DNAAF3: variants seen among roughly 807,000 people sequenced by gnomAD.
DNAAF3 encodes the protein dynein axonemal assembly factor 3.
DNAAF3 carries 40 observed loss-of-function variants against 50.9 expected under a neutral mutation model. That is an observed-to-expected ratio of 0.79 (90% CI 0.61 to 1.02). DNAAF3 has a LOEUF of 1.02. DNAAF3 is among the 50% of genes least tolerant of loss of function. The pLI, the probability that DNAAF3 is intolerant of heterozygous loss-of-function variation, is 0.00. For synonymous variants in DNAAF3, 327 were observed against 322.8 expected, an observed-to-expected ratio of 1.01 and a Z score of -0.14; for missense variants, 763 against 744.7, an observed-to-expected ratio of 1.02 and a Z score of -0.29.
In DNAAF3 at chr19:55,161,316, C is replaced by A. The variant is rs2085826376; in HGVS notation, c.766G>T (p.Ala256Ser). The A allele has an allele frequency of 6.2e-7, 1 of 1,610,704 alleles. No homozygotes were observed. Among genetic ancestry groups the A allele is most frequent in the Non-Finnish European group, 8.5e-7 (1 of 1,178,516 alleles). ...ACGTAGCTCAGGAGGCGACCGGACGCCAGGGTCCGGTTGGGCACATGATAG... is the reference window on the plus strand; with the variant it reads ...ACGTAGCTCAGGAGGCGACCGGACGACAGGGTCCGGTTGGGCACATGATAG... The part of the protein sequence containing the change: ...SAYHVPNRTL[A>S]SGRLLSYRGE... Residue 256 changes from alanine (A) to serine (S), a missense_variant, in exon 7 of 12, where the codon GCG (alanine) becomes TCG (serine). Transcript: ENST00000524407. This position sits in a 1 kb window ranked among gnomAD's most constrained non-coding sequence, Gnocchi z 6.4.
At chr19:55,164,760 T>C (rs2085907449) in intron 4 of DNAAF3, among the ~76,000 whole-genome samples, 1 of 152,042 alleles carries the variant, frequency 6.6e-6, no homozygotes, top group South Asian at 2.1e-4. Context: ...CCTGACCTCG[T>C]GATCTGCCCA....
chr19:55,162,149 C>G lies in DNAAF3; in HGVS notation c.464G>C (p.Ser155Thr). Residue 155 changes from serine (S) to threonine (T), a missense_variant, in exon 5 of 12, where the codon AGC becomes ACC. Ser to Thr is a moderately conservative substitution (Grantham distance 58). Transcript: ENST00000524407. ...DRLEEQLPWL[S>T]LRALKFRERD... is the part of the protein sequence containing the mutation. ...CGGCGGCACCTTGAGGGCGCGGAGG[C>G]TGAGCCAGGGCAGCTGTTCCTCCAG... 8.0e-7 allele frequency: 1 copy of G among 1,251,866 alleles called. No individual in the cohort carries two copies. The highest frequency in any genetic ancestry group is 1.0e-6 in the Non-Finnish European group (1 of 992,050). The allele number at this position is 1,251,866 out of a possible 1,614,324, so 77.5% of individuals were successfully genotyped here. A position where few individuals can be genotyped will look rare whatever the true frequency, so the allele number is the denominator to read the frequency against.
Position 55,158,971 on chromosome 19 carries a change from A to T in DNAAF3, c.*91T>A. The T allele has an allele frequency of 7.1e-7, 1 of 1,407,692 alleles. No individual in the cohort carries two copies. The highest frequency in any genetic ancestry group is 9.6e-7 in the Non-Finnish European group (1 of 1,046,680). The allele number at this position is 1,407,692 out of a possible 1,614,324, so 87.2% of individuals were successfully genotyped here. ...GGGAATGATTAGAATAAAATTGAGGACTCTAGCAGCGGACTTAGAATGGTA... is the reference window on the plus strand; with the variant it reads ...GGGAATGATTAGAATAAAATTGAGGTCTCTAGCAGCGGACTTAGAATGGTA... On this transcript the variant is annotated 3_prime_UTR_variant, in exon 12 of 12. Transcript: ENST00000524407.
At position 55,160,656 on chromosome 19, in the gene DNAAF3, CG is replaced by C. The variant is rs750636813; in HGVS notation, c.1031del (p.Pro344ArgfsTer64). 3.1e-6 allele frequency: 5 copies of C among 1,613,958 alleles called. No homozygotes were observed. The highest frequency in any genetic ancestry group is 4.2e-6 in the Non-Finnish European group (5 of 1,179,966). On this transcript the variant is annotated frameshift_variant, in exon 9 of 12. Transcript: ENST00000524407. LOFTEE classifies it high-confidence loss of function. The surrounding 1 kb of genome is among the most constrained non-coding windows in gnomAD (Gnocchi z 4.7). ...CTGGCTTACCTGGAGTCCCTGGCTC[CG>C]GGCTTCCCTCCGCGTGCTGCTGCTC... ...LEEQQHAEGS[P>X]EPGTPAAPTP...
In DNAAF3 at chr19:55,162,183, G is replaced by A; in HGVS notation, c.430C>T (p.Pro144Ser). 1.6e-6 allele frequency: 2 copies of A among 1,253,470 alleles called. No homozygotes were observed. The highest frequency in any genetic ancestry group is 2.0e-6 in the Non-Finnish European group (2 of 991,460). The allele number at this position is 1,253,470 out of a possible 1,614,324, so 77.6% of individuals were successfully genotyped here. A position where few individuals can be genotyped will look rare whatever the true frequency, so the allele number is the denominator to read the frequency against. ...ADLLAHLVPEPDRLEEQLPWL... is the reference protein window; with the variant it reads ...ADLLAHLVPESDRLEEQLPWL... ...GGCAGCTGTTCCTCCAGGCGGTCGG[G>A]CTCGGGGACCAGGTGCGCCAGCAGG... Residue 144 changes from proline to serine, a missense_variant, in exon 5 of 12, where the codon CCC becomes TCC. Physicochemically the swap from Pro to Ser is moderately conservative, Grantham distance 74. Coordinates refer to ENST00000524407, the MANE Select transcript of DNAAF3 (RefSeq NM_001256715.2).
At chr19:55,165,323 A>AG in intron 4 of DNAAF3, 47 bp downstream of exon 4, 2 of 1,548,232 alleles carry the variant, frequency 1.3e-6, no homozygotes, top group Non-Finnish European at 1.8e-6. Flanking sequence ...CCCTCTAGGG[A>AG]GGGGGAGGAG....
At chr19:55,162,395 C>A (rs938732275) in intron 4 of DNAAF3, 105 bp from the exon 5 acceptor site, 4 of 1,181,382 alleles carry the variant, frequency 3.4e-6, no homozygotes, top group African/African-American at 1.6e-5. Flanking sequence ...AAACAATGAA[C>A]CCCCGCAAAC....
At position 55,159,534 on chromosome 19, in the gene DNAAF3, G is replaced by A. The variant is rs747247157; in HGVS notation, c.1237C>T (p.Arg413Trp). The change falls in exon 11 of 12, where the codon CGG (arginine) becomes TGG (tryptophan). Residue 413 changes from arginine (R) to tryptophan (W), a missense_variant and splice_region_variant. Physicochemically the swap from Arg to Trp is moderately radical, Grantham distance 101 (BLOSUM62 -3). Transcript: ENST00000524407. ...CCACCCTCCACCCCACTGACTCACCGGGCTAATTCCACAATCAAGTTCCCT... is the reference window on the plus strand; with the variant it reads ...CCACCCTCCACCCCACTGACTCACCAGGCTAATTCCACAATCAAGTTCCCT... ...PGGNLIVELA[R>W]YLVDVRQEQL... The A allele has an allele frequency of 1.6e-5, 25 of 1,597,066 alleles. No individual in the cohort carries two copies. The highest frequency in any genetic ancestry group is 5.7e-5 in the South Asian group (5 of 87,862).
rs199947168 is a variant in DNAAF3 at position 55,159,464 on chromosome 19, C to G, written c.1239-15G>C. 7.4e-6 allele frequency: 12 copies of G among 1,611,172 alleles called. No individual in the cohort carries two copies. The highest frequency in any genetic ancestry group is 9.3e-6 in the Non-Finnish European group (11 of 1,177,924). ...CCACCAGGTACCTGCAGATGGGAAG[C>G]GCCCTGTCAGGGACCCAGATTTTGA... On this transcript the variant is annotated splice_polypyrimidine_tract_variant and intron_variant, in intron 11 of 11. Transcript: ENST00000524407.
At position 55,162,232 on chromosome 19, in the gene DNAAF3, G is replaced by A. The variant is rs968469725; in HGVS notation, c.381C>T (p.Ala127=). 2 of 1,251,166 alleles carry A rather than the reference G, an allele frequency of 1.6e-6. No individual in the cohort carries two copies. The highest frequency in any genetic ancestry group is 3.1e-5 in the East Asian group (1 of 31,804). The allele number at this position is 1,251,166 out of a possible 1,614,324, so 77.5% of individuals were successfully genotyped here. The change falls in exon 5 of 12, where the codon GCC becomes GCT. Residue 127 remains alanine, a synonymous_variant. Transcript: ENST00000524407. ...WGNALLRPPV[A]AFVRAQADLL... ...GGTCGGCCTGGGCACGCACGAAGGC[G>A]GCCACTGGCGGGCGCAGCAGCGCGT... is the stretch of plus-strand genomic sequence containing the variant.
chr19:55,165,484 G>A (rs1281940110), intron 3 of DNAAF3, 21 bp from the exon 4 acceptor site: 2 of 1,612,544 alleles, frequency 1.2e-6, no homozygotes, highest in Admixed American at 1.7e-5. Context: ...GGACAGGGCA[G>A]AATAATTCTG....
At chr19:55,163,997 G>C (rs968586657) in intron 4 of DNAAF3, among the ~76,000 whole-genome samples, 2 of 152,102 alleles carry the variant, frequency 1.3e-5, no homozygotes, top group African/African-American at 2.4e-5. Flanking sequence ...TGCTGTTCTC[G>C]TGATAGTGAG....
intron 4 of DNAAF3, among the ~76,000 whole-genome samples, chr19:55,163,724 T>A (rs571025577): frequency 9.8e-5 from 15 of 152,304 alleles, no homozygotes; most frequent in African/African-American, 3.6e-4. Flanking sequence ...CACATAGACA[T>A]ACAAATAGTT....
Position 55,161,578 on chromosome 19 carries a change from C to G in DNAAF3, c.663+65G>C, listed in dbSNP as rs1268714713. On this transcript the variant is annotated intron_variant, in intron 6 of 11. Coordinates refer to ENST00000524407, the MANE Select transcript of DNAAF3 (RefSeq NM_001256715.2). The surrounding 1 kb of genome is among the most constrained non-coding windows in gnomAD (Gnocchi z 6.4). ...ACCCTCCTCCCTCAGACTCAGGAGG[C>G]CCCCAGCCCCTCCTCCCTCAGACCC... 6.8e-7 allele frequency: 1 copy of G among 1,475,798 alleles called. No individual in the cohort carries two copies. The allele number at this position is 1,475,798 out of a possible 1,614,324, so 91.4% of individuals were successfully genotyped here. A position where few individuals can be genotyped will look rare whatever the true frequency, so the allele number is the denominator to read the frequency against.
chr19:55,165,848 C>G lies in DNAAF3; in HGVS notation c.228+10G>C. ...CGGGAATCTGGGCTCTCATCTTCAT[C>G]CCAGCTCACGTTGAACCTCCTGCGA... On this transcript the variant is annotated intron_variant, in intron 3 of 11. Transcript: ENST00000524407. 1 of 1,613,332 alleles carries G rather than the reference C, an allele frequency of 6.2e-7. No individual in the cohort carries two copies.
rs768293260 is a variant in DNAAF3 at position 55,160,603 on chromosome 19, G to T, written c.1048+37C>A. On this transcript the variant is annotated intron_variant, in intron 9 of 11. Coordinates refer to ENST00000524407, the MANE Select transcript of DNAAF3 (RefSeq NM_001256715.2). The surrounding 1 kb of genome is among the most constrained non-coding windows in gnomAD (Gnocchi z 4.7). Reference sequence around the variant, plus strand: ...CTCCAGTGTGAAACACCTGGAGGCTGGAGTCCCTGGCTTACCTGTTGTTGT... The same window carrying T: ...CTCCAGTGTGAAACACCTGGAGGCTTGAGTCCCTGGCTTACCTGTTGTTGT... The T allele has an allele frequency of 1.9e-5, 30 of 1,612,162 alleles. No homozygotes were observed. The highest frequency in any genetic ancestry group is 2.5e-5 in the Non-Finnish European group (30 of 1,179,888).
rs2085942135 is a variant in DNAAF3, at chr19:55,166,532, C to T, written c.-14G>A. On this transcript the variant is annotated 5_prime_UTR_variant, in exon 1 of 12. Coordinates refer to ENST00000524407, the MANE Select transcript of DNAAF3 (RefSeq NM_001256715.2). This position sits in a 1 kb window ranked among gnomAD's most constrained non-coding sequence, Gnocchi z 4.0. ...GATACCTTGCCCACACCTTTATCCT[C>T]CAAATATCCCGGGACGCCCCTTCCT... 6.2e-7 allele frequency: 1 copy of T among 1,614,196 alleles called. No homozygotes were observed. The highest frequency in any genetic ancestry group is 1.3e-5 in the African/African-American group (1 of 75,058).
intron 3 of DNAAF3, 153 bp downstream of exon 3, chr19:55,165,705 C>T (rs2085926269): frequency 2.2e-6 from 3 of 1,333,424 alleles, no homozygotes; most frequent in East Asian, 5.0e-5. Context: ...CCCCTTCCTT[C>T]CCCCAAGACG....
At position 55,166,488 on chromosome 19, in the gene DNAAF3, C is replaced by T. The variant is rs1161955980; in HGVS notation, c.-5+35G>A. On this transcript the variant is annotated intron_variant, in intron 1 of 11. Transcript: ENST00000524407. The surrounding 1 kb of genome is among the most constrained non-coding windows in gnomAD (Gnocchi z 4.0). ...TCCCCTCTCACCGCCCCTCACTTCT[C>T]GCCCCTTTGCCTCCACATGATACCT... 7 of 1,613,590 alleles carry T rather than the reference C, an allele frequency of 4.3e-6. No homozygotes were observed. The African/African-American group carries it at 5.3e-5, about 12-fold the overall frequency.
Sources: allele counts gnomAD v4.1 joint callset (sites outside exome capture counted in the v4.1 genomes callset), GRCh38; gene constraint gnomAD v4.1.1; non-coding constraint Gnocchi (gnomAD v3.1); transcripts MANE v1.5; gene names NCBI Gene and HGNC (gene_info 2026-07-23, HGNC 2026-07-21).